The following MIB2 variants were observed in gnomAD, a reference collection of about 807,000 sequenced individuals.
MIB2 encodes the protein E3 ubiquitin-protein ligase MIB2.
Under a neutral mutation model 96.6 loss-of-function variants are expected in MIB2, and 78 were observed. That is an observed-to-expected ratio of 0.81 (90% CI 0.67 to 0.97). The LOEUF is 0.97. Among genes scored for constraint, MIB2 ranks in the 50% least tolerant of loss-of-function variants. MIB2 has a pLI of 0.00. For missense variants in MIB2, 1,543 were observed against 1,424.0 expected, an observed-to-expected ratio of 1.08 and a Z score of -1.35; for synonymous variants, 820 against 629.5, an observed-to-expected ratio of 1.30 and a Z score of -4.53.
intron 12 of MIB2, 37 bp from the exon 13 acceptor site, chr1:1,627,636 C>G: frequency 6.4e-7 from 1 of 1,569,510 alleles, no homozygotes; most frequent in Non-Finnish European, 8.6e-7. Flanking sequence ...AGCCACCGGG[C>G]CCGGCGCCCT....
intron 12 of MIB2, 87 bp downstream of exon 12, chr1:1,627,531 G>A: frequency 6.7e-7 from 1 of 1,491,504 alleles, no homozygotes. Flanking sequence ...GCGGGGCTGA[G>A]CCTGTGCGTC....
intron 13 of MIB2, 82 bp from the exon 14 acceptor site, chr1:1,627,937 C>A (rs950842255): frequency 1.9e-6 from 3 of 1,603,498 alleles, no homozygotes; most frequent in African/African-American, 2.7e-5. Context: ...GCCCCCTGCC[C>A]GTGAGTGCTG....
chr1:1,626,953 G>C lies in MIB2; in HGVS notation c.1194G>C (p.Glu398Asp). The change falls in exon 10 of 20, where the codon GAG becomes GAC. Residue 398 changes from glutamate to aspartate, a missense_variant. Transcript: ENST00000355826. The surrounding 1 kb of genome is among the most constrained non-coding windows in gnomAD (Gnocchi z 5.3). Reference protein sequence around the residue: ...SPSCLVAYRPEEDANLDVAER... With the variant: ...SPSCLVAYRPDEDANLDVAER... Reference sequence around the variant, plus strand: ...CCTGCCTGGTGGCCTACCGGCCCGAGGAGGATGCCAACCTGGACGTGGCCG... The same window carrying C: ...CCTGCCTGGTGGCCTACCGGCCCGACGAGGATGCCAACCTGGACGTGGCCG... 1.9e-6 allele frequency: 3 copies of C among 1,611,414 alleles called. No homozygotes were observed. The highest frequency in any genetic ancestry group is 1.3e-5 in the African/African-American group (1 of 75,042).
chr1:1,629,014 G>A, intron 16 of MIB2, 119 bp from the exon 17 acceptor site: 1 of 1,134,780 alleles, frequency 8.8e-7, no homozygotes. Context: ...CGGAAGAGGT[G>A]CCCTTGCCTT....
rs1165779183 is a variant in MIB2 at position 1,629,194 on chromosome 1, T to C, written c.2264T>C (p.Phe755Ser). The C allele has an allele frequency of 2.0e-6, 3 of 1,517,250 alleles. No individual in the cohort carries two copies. Among genetic ancestry groups the C allele is most frequent in the East Asian group, 2.7e-5 (1 of 37,358 alleles). The allele number at this position is 1,517,250 out of a possible 1,614,324, so 94.0% of individuals were successfully genotyped here. ...ACGGTGGGCGCGGCGGTCGCCTGCTTCCTGGCGCTGGAGGGCGCCGACGTG... is the reference window on the plus strand; with the variant it reads ...ACGGTGGGCGCGGCGGTCGCCTGCTCCCTGGCGCTGGAGGGCGCCGACGTG... ...ELTVGAAVAC[F>S]LALEGADVSY... Residue 755 changes from phenylalanine (F) to serine (S), a missense_variant, in exon 17 of 20, where the codon TTC becomes TCC. By Grantham distance (155) the Phe-to-Ser change is radical (BLOSUM62 -2). Coordinates refer to ENST00000355826, the MANE Select transcript of MIB2 (RefSeq NM_001170687.4).
intron 2 of MIB2, among the ~76,000 whole-genome samples, chr1:1,620,171 A>G (rs1644121833): frequency 6.6e-6 from 1 of 152,234 alleles, no homozygotes; most frequent in South Asian, 2.1e-4. Context: ...GAAAGGTCCA[A>G]TGGCATATGG....
chr1:1,620,063 C>T (rs990478815), intron 2 of MIB2, among the ~76,000 whole-genome samples: 3 of 152,248 alleles, frequency 2.0e-5, no homozygotes, highest in South Asian at 2.1e-4. Flanking sequence ...GTGACCTCCC[C>T]GACATCTCTG....
intron 2 of MIB2, chr1:1,623,053 G>T (rs931547011): frequency 8.2e-6 from 3 of 365,160 alleles, no homozygotes; most frequent in Non-Finnish European, 1.5e-5. Context: ...CTCGGGGGAC[G>T]GCAGCTCTTA....
intron 2 of MIB2, among the ~76,000 whole-genome samples, chr1:1,622,541 G>A (rs1291744515): frequency 1.3e-5 from 2 of 152,154 alleles, no homozygotes; most frequent in African/African-American, 4.8e-5. Flanking sequence ...TTGTATAAAC[G>A]GAGCCGCCTG....
intron 19 of MIB2, 138 bp downstream of exon 19, chr1:1,629,842 C>A: frequency 2.0e-6 from 2 of 998,290 alleles, no homozygotes; most frequent in Non-Finnish European, 2.8e-6. Flanking sequence ...AGGCTCACAC[C>A]CGGCCCCCCA....
rs1644865391 is a variant in MIB2 at position 1,627,157 on chromosome 1, C to T, written c.1324C>T (p.Leu442=). ...HPGRLVVEVA[L]GNAARALDLL... is the part of the protein sequence containing the mutation. ...GGGAAGGCTGGTGGTGGAGGTGGCG[C>T]TGGGTAACGCAGCCCGGGCTCTGGA... Residue 442 remains leucine, a synonymous_variant, in exon 11 of 20, where the codon CTG becomes TTG. Coordinates refer to ENST00000355826, the MANE Select transcript of MIB2 (RefSeq NM_001170687.4). The T allele has an allele frequency of 6.3e-7, 1 of 1,590,744 alleles. No individual in the cohort carries two copies. The highest frequency in any genetic ancestry group is 8.6e-7 in the Non-Finnish European group (1 of 1,169,218).
intron 2 of MIB2, chr1:1,618,089 CCCT>C (rs1478029745): frequency 6.6e-6 from 1 of 152,388 alleles, no homozygotes; most frequent in Non-Finnish European, 1.5e-5. Context: ...TCCCTGGAGC[CCCT>C]CCACCAGTGC....
chr1:1,616,006 C>G (rs1643604476), intron 1 of MIB2: 1 of 984,662 alleles, frequency 1.0e-6, no homozygotes, highest in Non-Finnish European at 1.2e-6. Flanking sequence ...TGGCCTCGAA[C>G]GCCGGGACAG....
Position 1,629,711 on chromosome 1 carries a change from G to A in MIB2, c.2629+7G>A. 6.3e-7 allele frequency: 1 copy of A among 1,584,702 alleles called. No individual in the cohort carries two copies. The highest frequency in any genetic ancestry group is 1.4e-5 in the African/African-American group (1 of 73,330). On this transcript the variant is annotated splice_region_variant and intron_variant, in intron 19 of 19. Transcript: ENST00000355826. ...AGCAAGAAACTGCGCCCAGGTGGGT[G>A]AGGCTCTGCGCCCCCAACACGCCTC...
At position 1,629,628 on chromosome 1, in the gene MIB2, C is replaced by A; in HGVS notation, c.2564-11C>A. 6.3e-7 allele frequency: 1 copy of A among 1,584,720 alleles called. No individual in the cohort carries two copies. The highest frequency in any genetic ancestry group is 8.6e-7 in the Non-Finnish European group (1 of 1,166,086). On this transcript the variant is annotated splice_polypyrimidine_tract_variant and intron_variant, in intron 18 of 19. Coordinates refer to ENST00000355826, the MANE Select transcript of MIB2 (RefSeq NM_001170687.4). ...GTAGGGCCGCAGCCAACCGCGCTCT[C>A]CTCTTCGCAGAGTGCGCGCGCAGGA...
rs978261803 is a variant in MIB2, at chr1:1,615,547, G to A, written c.-216G>A. ...CAGCCGCCGCTCTCCTCAGTGCCCG[G>A]TGGCCCAGGAGGGCCTGGGAGCCCG... On this transcript the variant is annotated 5_prime_UTR_variant, in exon 1 of 20. It adds an upstream start codon to the 5' untranslated region. Coordinates refer to ENST00000355826, the MANE Select transcript of MIB2 (RefSeq NM_001170687.4). 3 of 1,535,818 alleles carry A rather than the reference G, an allele frequency of 2.0e-6. No homozygotes were observed. The highest frequency in any genetic ancestry group is 1.2e-5 in the South Asian group (1 of 83,596).
chr1:1,623,223 C>T (rs940100684), intron 2 of MIB2: 39 of 820,994 alleles, frequency 4.8e-5, no homozygotes, highest in Middle Eastern at 3.7e-4. Flanking sequence ...CAGGCTGGCA[C>T]GGCGCCCGCC....
In MIB2 at chr1:1,623,467, C is replaced by T. The variant is rs549019628; in HGVS notation, c.15C>T (p.Pro5=). 2 of 1,595,390 alleles carry T rather than the reference C, an allele frequency of 1.3e-6. No individual in the cohort carries two copies. The highest frequency in any genetic ancestry group is 4.6e-5 in the East Asian group (2 of 43,788). Residue 5 remains proline, a synonymous_variant, in exon 3 of 20, where the codon CCC becomes CCT. Transcript: ENST00000355826. ...CCCCGCCCAACATGGACCCAGACCC[C>T]CAGGCGGGCGTGCAGGTGGGCATGC... MDPD[P]QAGVQVGMRV...
At chr1:1,616,191 T>A in intron 1 of MIB2, 1 of 814,346 alleles carries the variant, frequency 1.2e-6, no homozygotes, top group South Asian at 5.5e-5. Flanking sequence ...CGGGGCGCGC[T>A]CCGGGTGGGG....
Sources: allele counts gnomAD v4.1 joint callset (sites outside exome capture counted in the v4.1 genomes callset), GRCh38; gene constraint gnomAD v4.1.1; non-coding constraint Gnocchi (gnomAD v3.1); transcripts MANE v1.5; gene names NCBI Gene and HGNC (gene_info 2026-07-23, HGNC 2026-07-21).